Variants in CCSER2 observed in about 807,000 individuals in gnomAD.
The protein encoded by CCSER2 is coiled-coil serine rich protein 2.
In CCSER2, 46 loss-of-function variants were observed where a neutral mutation model predicts 92.3. The observed-to-expected ratio is 0.50, with a 90% CI of 0.39 to 0.64. The LOEUF (loss-of-function observed/expected upper bound fraction) is 0.64. Ranked by LOEUF, CCSER2 falls within the 30% of genes least tolerant of loss-of-function variation. The pLI is 0.00. For synonymous variants in CCSER2, 433 were observed against 431.4 expected (o/e 1.00, Z -0.04); for missense variants, 1,244 against 1,238.9 (o/e 1.00, Z -0.06).
chr10:84,375,901 C>T lies in CCSER2; in HGVS notation c.1614+2086C>T, dbSNP rs115054190. On this transcript the variant is annotated intron_variant, in intron 3 of 9. Transcript: ENST00000372088. ...CCTACAGTGGTTCAAAGTAGTATCT[C>T]TTACTTAACCCCTCAAGACCTTTAG... Among the ~76,000 whole-genome samples the T allele has an allele frequency of 2.6e-3, 376 of 145,290 alleles. 2 individuals carry two copies. Among genetic ancestry groups the T allele is most frequent in the African/African-American group, 8.8e-3 (347 of 39,402 alleles).
chr10:84,387,236 C>G (rs1282744637), intron 3 of CCSER2, among the ~76,000 whole-genome samples: 1 of 152,128 alleles, frequency 6.6e-6, no homozygotes, highest in African/African-American at 2.4e-5. Flanking sequence ...TATTTTCTCC[C>G]CTCCCTCTAA....
intron 3 of CCSER2, chr10:84,391,740 T>A (rs1202155784): frequency 6.7e-7 from 1 of 1,501,900 alleles, no homozygotes; most frequent in Admixed American, 1.7e-5. Flanking sequence ...GTGGCCCCCA[T>A]GCTACAGCAG....
Position 84,373,835 on chromosome 10 carries a change from C to T in CCSER2, c.1614+20C>T, listed in dbSNP as rs1370208048. The T allele has an allele frequency of 3.1e-6, 5 of 1,613,176 alleles. No individual in the cohort carries two copies. Among genetic ancestry groups the T allele is most frequent in the Non-Finnish European group, 4.2e-6 (5 of 1,179,554 alleles). Reference sequence around the variant, plus strand: ...AGCATAGTATGTATGGATTTATATACTCTTGGAATATTTTGTTTACCCTAC... The same window carrying T: ...AGCATAGTATGTATGGATTTATATATTCTTGGAATATTTTGTTTACCCTAC... On this transcript the variant is annotated intron_variant, in intron 3 of 9. Transcript: ENST00000372088.
At chr10:84,441,223 T>C (rs895639282) in intron 6 of CCSER2, among the ~76,000 whole-genome samples, 12 of 152,202 alleles carry the variant, frequency 7.9e-5, no homozygotes, top group Admixed American at 5.9e-4. Context: ...TATACGTTTT[T>C]CTTTTTCTTT....
At position 84,364,744 on chromosome 10, in the gene CCSER2, T is replaced by TGC. The variant is rs1197651762; in HGVS notation, c.-39-6270_-39-6269insGC. Among the ~76,000 whole-genome samples the TGC allele has an allele frequency of 1.1e-4, 15 of 139,882 alleles. No individual in the cohort carries two copies. The East Asian group carries it at 2.0e-3, about 19-fold the overall frequency. The allele number at this position is 139,882 out of a possible 152,430, so 91.8% of individuals were successfully genotyped here. ...TTTATAAGTATTTTTGAATTTTTTT[T>TGC]TGTTTTTTTTTTTTTGAGATGGAGT... On this transcript the variant is annotated intron_variant, in intron 1 of 9. Transcript: ENST00000372088.
chr10:84,394,229 C>G (rs1382210617), intron 3 of CCSER2, among the ~76,000 whole-genome samples: 1 of 152,200 alleles, frequency 6.6e-6, no homozygotes, highest in Admixed American at 6.5e-5. Flanking sequence ...CAGGCATACT[C>G]TTAATTTCTG....
intron 9 of CCSER2, chr10:84,507,383 T>C: frequency 3.4e-6 from 3 of 894,248 alleles, no homozygotes; most frequent in Non-Finnish European, 4.0e-6. Flanking sequence ...ATAATCACTT[T>C]TTTTGGTTTT....
chr10:84,501,716 CTT>C (rs1197428780), intron 9 of CCSER2, among the ~76,000 whole-genome samples: 8 of 120,632 alleles, frequency 6.6e-5, no homozygotes, highest in Admixed American at 1.8e-4. Flanking sequence ...GTAAGACCTG[CTT>C]TTTTTTTTTT....
Position 84,515,915 on chromosome 10 carries a change from G to T in CCSER2, c.*1648G>T, listed in dbSNP as rs967999583. ...GGTCACTTGTCAGTTCAGTAAATCT[G>T]CCTTCCTCTTCTCCCAAATCATGTC... On this transcript the variant is annotated 3_prime_UTR_variant, in exon 10 of 10. Coordinates refer to ENST00000372088, the MANE Select transcript of CCSER2 (RefSeq NM_001284240.2). 3.3e-5 allele frequency: 5 copies of T among 152,112 alleles called. No homozygotes were observed. The highest frequency in any genetic ancestry group is 1.2e-4 in the African/African-American group (5 of 41,412). The allele number at this position is 152,112 out of a possible 1,614,324, so 9.4% of individuals were successfully genotyped here. A position where few individuals can be genotyped will look rare whatever the true frequency, so the allele number is the denominator to read the frequency against.
intron 1 of CCSER2, among the ~76,000 whole-genome samples, chr10:84,355,389 G>C (rs1207955482): frequency 3.3e-5 from 5 of 152,118 alleles, no homozygotes; most frequent in African/African-American, 1.2e-4. Context: ...AGGCTGTATT[G>C]TTTTTTCACA....
intron 9 of CCSER2, among the ~76,000 whole-genome samples, chr10:84,494,326 G>A (rs1848330267): frequency 6.6e-6 from 1 of 152,200 alleles, no homozygotes; most frequent in African/African-American, 2.4e-5. Flanking sequence ...CAGTAAGGAT[G>A]ACCAGAGGTC....
intron 3 of CCSER2, among the ~76,000 whole-genome samples, chr10:84,412,561 G>A (rs1015986092): frequency 6.6e-6 from 1 of 152,118 alleles, no homozygotes; most frequent in Non-Finnish European, 1.5e-5. Context: ...ACAGCAGGTC[G>A]TGGGGGGACG....
intron 3 of CCSER2, among the ~76,000 whole-genome samples, chr10:84,394,385 A>ATGTGTGTGTGTGTGTGTG (rs60891669): frequency 1.4e-4 from 19 of 132,682 alleles, no homozygotes; most frequent in East Asian, 1.2e-3. Context: ...AAAGGAAAGT[A>ATGTGTGTGTGTGTGTGTG]TGTGTGTGTG....
intron 1 of CCSER2, among the ~76,000 whole-genome samples, chr10:84,342,691 T>C (rs1245926394): frequency 6.6e-6 from 1 of 152,100 alleles, no homozygotes; most frequent in East Asian, 1.9e-4. Flanking sequence ...CTTCACACAT[T>C]CTTTTTTTTT....
intron 9 of CCSER2, among the ~76,000 whole-genome samples, chr10:84,483,661 G>A (rs1847588254): frequency 1.3e-5 from 2 of 151,722 alleles, no homozygotes; most frequent in African/African-American, 4.8e-5. Flanking sequence ...GACAGTGCAG[G>A]CAAACGATTT....
At chr10:84,381,153 G>A (rs2133212649) in intron 3 of CCSER2, among the ~76,000 whole-genome samples, 1 of 152,252 alleles carries the variant, frequency 6.6e-6, no homozygotes, top group Non-Finnish European at 1.5e-5. Context: ...ACTAACTCAT[G>A]GGATTACTAT....
chr10:84,366,999 A>G (rs1027000232), intron 1 of CCSER2, among the ~76,000 whole-genome samples: 1 of 152,234 alleles, frequency 6.6e-6, no homozygotes, highest in African/African-American at 2.4e-5. Flanking sequence ...TGATTCCTAC[A>G]GGATTAAGTT....
intron 9 of CCSER2, among the ~76,000 whole-genome samples, chr10:84,509,624 G>A (rs1297352804): frequency 6.6e-6 from 1 of 152,218 alleles, no homozygotes; most frequent in Non-Finnish European, 1.5e-5. Context: ...TGAAGTTGCT[G>A]AGTTCAGTTA....
chr10:84,343,556 A>C (rs1844319342), intron 1 of CCSER2, among the ~76,000 whole-genome samples: 1 of 152,230 alleles, frequency 6.6e-6, no homozygotes, highest in Non-Finnish European at 1.5e-5. Context: ...ACCCTAGAAT[A>C]GTGCTTAAAC....
Sources: gnomAD v4.1 joint callset for allele counts (sites outside exome capture counted in the v4.1 genomes callset) on GRCh38, gnomAD v4.1.1 for gene constraint, MANE v1.5 for transcripts, NCBI Gene and HGNC (gene_info 2026-07-23, HGNC 2026-07-21) for gene names.